The following ATP10D variants were observed in gnomAD, a reference collection of about 807,000 sequenced individuals.
ATP10D encodes phospholipid-transporting ATPase VD.
In ATP10D, 89 loss-of-function variants were observed where a neutral mutation model predicts 144.8. The observed-to-expected ratio is 0.61, with a 90% CI of 0.52 to 0.73. The LOEUF is 0.73. ATP10D is among the 30% of genes least tolerant of loss of function. The pLI, the probability that ATP10D is intolerant of heterozygous loss-of-function variation, is 0.00. For missense variants in ATP10D, 1,603 were observed against 1,714.8 expected (o/e 0.93, Z 1.15); for synonymous variants, 571 against 615.1 (o/e 0.93, Z 1.06).
intron 1 of ATP10D, among the ~76,000 whole-genome samples, chr4:47,499,293 G>A (rs947107448): frequency 6.6e-6 from 1 of 152,088 alleles, no homozygotes; most frequent in Non-Finnish European, 1.5e-5. Flanking sequence ...AAAGTACCTG[G>A]TTGGCAATGG....
intron 21 of ATP10D, among the ~76,000 whole-genome samples, chr4:47,584,704 T>A (rs1720696997): frequency 1.3e-5 from 2 of 152,136 alleles, no homozygotes; most frequent in African/African-American, 4.8e-5. Context: ...CCAAAGCATG[T>A]TTTAAGAGAT....
At chr4:47,555,669 C>T (rs906775025) in intron 11 of ATP10D, among the ~76,000 whole-genome samples, 10 of 152,050 alleles carry the variant, frequency 6.6e-5, no homozygotes, top group African/African-American at 2.4e-4. Context: ...TTCTTTGAGA[C>T]TTCTGAGACC....
At chr4:47,582,477 G>A (rs1720566818) in intron 21 of ATP10D, among the ~76,000 whole-genome samples, 1 of 152,070 alleles carries the variant, frequency 6.6e-6, no homozygotes, top group Admixed American at 6.6e-5. Context: ...CTCTCCTTTG[G>A]GTAAAACCCT....
chr4:47,555,573 G>T (rs1718942745), intron 11 of ATP10D, among the ~76,000 whole-genome samples: 1 of 152,120 alleles, frequency 6.6e-6, no homozygotes, highest in African/African-American at 2.4e-5. Flanking sequence ...AGGAAATACA[G>T]CTCGGTGCTA....
intron 5 of ATP10D, among the ~76,000 whole-genome samples, chr4:47,527,804 A>G (rs995304502): frequency 2.0e-5 from 3 of 152,206 alleles, no homozygotes; most frequent in Admixed American, 6.6e-5. Flanking sequence ...GTAAAATAGT[A>G]CAACCACTTT....
intron 1 of ATP10D, among the ~76,000 whole-genome samples, chr4:47,510,041 CA>C (rs1716237947): frequency 1.3e-5 from 2 of 150,686 alleles, no homozygotes; most frequent in African/African-American, 4.9e-5. Flanking sequence ...TAACGCATTT[CA>C]AAAGCCTCTG....
rs566267190 is a variant in ATP10D at position 47,505,602 on chromosome 4, G to A, written c.-37-6902G>A. Among the ~76,000 whole-genome samples, 71 of 152,156 alleles carry A rather than the reference G, an allele frequency of 4.7e-4. No individual in the cohort carries two copies. In the East Asian group the frequency reaches 8.7e-3, roughly 19 times the overall value. On this transcript the variant is annotated intron_variant, in intron 1 of 22. Transcript: ENST00000273859. ...AACAAAAAAATTAGCTGGGCATGGC[G>A]ATGCATGCCTATAGTCCCAGCTACT...
At chr4:47,568,090 A>C (rs1190715252) in intron 15 of ATP10D, among the ~76,000 whole-genome samples, 1 of 152,228 alleles carries the variant, frequency 6.6e-6, no homozygotes, top group East Asian at 1.9e-4. Flanking sequence ...TCCTCTTTTA[A>C]GCCTCATGAA....
At position 47,591,397 on chromosome 4, in the gene ATP10D, T is replaced by G; in HGVS notation, c.*16T>G. 6.4e-7 allele frequency: 1 copy of G among 1,551,290 alleles called. No individual in the cohort carries two copies. The highest frequency in any genetic ancestry group is 8.7e-7 in the Non-Finnish European group (1 of 1,147,384). On this transcript the variant is annotated 3_prime_UTR_variant, in exon 23 of 23. Transcript: ENST00000273859. ...AGAAAGCTAGATACCCTCCTTGGAG[T>G]TGCAAGTATTCTTTCAAGGTTGGAA...
intron 21 of ATP10D, among the ~76,000 whole-genome samples, chr4:47,585,314 A>C (rs889102991): frequency 1.4e-5 from 2 of 147,274 alleles, no homozygotes; most frequent in Non-Finnish European, 3.0e-5. Context: ...AAGTAGGCAT[A>C]TACTTTTCTT....
chr4:47,492,799 A>G (rs1464854310), intron 1 of ATP10D, among the ~76,000 whole-genome samples: 8 of 152,206 alleles, frequency 5.3e-5, no homozygotes, highest in Non-Finnish European at 1.2e-4. Flanking sequence ...TAAACAAAAT[A>G]ACTAATGTTA....
chr4:47,556,168 C>T (rs1329444136), intron 11 of ATP10D, among the ~76,000 whole-genome samples: 1 of 152,232 alleles, frequency 6.6e-6, no homozygotes, highest in Non-Finnish European at 1.5e-5. Context: ...GCTGTGCTAG[C>T]CTCCTTGTGT....
intron 1 of ATP10D, among the ~76,000 whole-genome samples, chr4:47,487,187 C>T (rs1182904237): frequency 7.0e-6 from 1 of 143,610 alleles, no homozygotes; most frequent in Non-Finnish European, 1.5e-5. Flanking sequence ...CGAGATCGGG[C>T]CATTGCACTC....
At chr4:47,541,465 G>C (rs1718131748) in intron 9 of ATP10D, among the ~76,000 whole-genome samples, 1 of 152,178 alleles carries the variant, frequency 6.6e-6, no homozygotes, top group Non-Finnish European at 1.5e-5. Context: ...TACGATGCTG[G>C]AATTGTATGG....
At chr4:47,567,562 T>G (rs946135122) in intron 15 of ATP10D, among the ~76,000 whole-genome samples, 36 of 152,362 alleles carry the variant, frequency 2.4e-4, no homozygotes, top group African/African-American at 8.2e-4. Context: ...GTTAATGTTT[T>G]CAATGATTGC....
In ATP10D at chr4:47,529,424, A is replaced by G. The variant is rs547864265; in HGVS notation, c.776+3782A>G. On this transcript the variant is annotated intron_variant, in intron 5 of 22. Transcript: ENST00000273859. ...CTTTCCCCATTGCTTATTTTTGTCA[A>G]CTTTGTCAAATATCAGTTGGTTGTA... 7.9e-5 allele frequency among the ~76,000 whole-genome samples: 12 copies of G among 152,042 alleles called. No homozygotes were observed. The East Asian group carries it at 1.4e-3, about 17-fold the overall frequency.
chr4:47,494,484 T>A (rs998402018), intron 1 of ATP10D, among the ~76,000 whole-genome samples: 1 of 109,528 alleles, frequency 9.1e-6, no homozygotes, highest in African/African-American at 3.3e-5. Context: ...ATTCTTTTAA[T>A]ATACTTTGGA....
At chr4:47,582,502 T>C (rs1375720809) in intron 21 of ATP10D, among the ~76,000 whole-genome samples, 2 of 152,200 alleles carry the variant, frequency 1.3e-5, no homozygotes, top group Non-Finnish European at 2.9e-5. Context: ...TGGTTTCCCA[T>C]TGTACTTGGA....
rs1721106511 is a variant in ATP10D at position 47,592,833 on chromosome 4, T to C, written c.*1452T>C. On this transcript the variant is annotated 3_prime_UTR_variant, in exon 23 of 23. Coordinates refer to ENST00000273859, the MANE Select transcript of ATP10D (RefSeq NM_020453.4). ...CACATAGCTAATGGAAGTTGCTTTC[T>C]GCTTTCTTATGACTGTTTTTATAAA... 6.6e-6 allele frequency: 1 copy of C among 152,608 alleles called. No individual in the cohort carries two copies. The highest frequency in any genetic ancestry group is 1.5e-5 in the Non-Finnish European group (1 of 68,012). 9.5% of individuals were successfully genotyped at this position (152,608 alleles called of 1,614,324 possible). A position where few individuals can be genotyped will look rare whatever the true frequency, so the allele number is the denominator to read the frequency against.
Sources: allele counts gnomAD v4.1 joint callset (sites outside exome capture counted in the v4.1 genomes callset), GRCh38; gene constraint gnomAD v4.1.1; transcripts MANE v1.5; gene names NCBI Gene and HGNC (gene_info 2026-07-23, HGNC 2026-07-21).